Variants in FIG4 observed in about 807,000 individuals in gnomAD.
The protein encoded by FIG4 is polyphosphoinositide phosphatase.
In FIG4, 112 loss-of-function variants were observed where a neutral mutation model predicts 118.6. The observed-to-expected ratio is 0.94, with a 90% CI of 0.81 to 1.11. The LOEUF is 1.11. FIG4 is among the 50% of genes least tolerant of loss of function. The pLI is 0.00. For synonymous variants in FIG4, 369 were observed against 381.2 expected (o/e 0.97, Z 0.37); for missense variants, 969 against 1,111.7 (o/e 0.87, Z 1.83).
intron 22 of FIG4, among the ~76,000 whole-genome samples, chr6:109,815,307 G>A (rs889651849): frequency 6.6e-6 from 1 of 151,792 alleles, no homozygotes; most frequent in Non-Finnish European, 1.5e-5. Context: ...CTCTCCTTGG[G>A]CTCCAGGCCA....
intron 4 of FIG4, among the ~76,000 whole-genome samples, chr6:109,730,584 A>G (rs1043725812): frequency 6.6e-6 from 1 of 152,172 alleles, no homozygotes; most frequent in Non-Finnish European, 1.5e-5. Context: ...GGAGGAATTG[A>G]TGGGGGTCAA....
chr6:109,727,841 G>T (rs1193429146), intron 4 of FIG4, among the ~76,000 whole-genome samples: 1 of 151,992 alleles, frequency 6.6e-6, no homozygotes, highest in Non-Finnish European at 1.5e-5. Context: ...CATACCACTG[G>T]ACTTCCTGCA....
chr6:109,787,980 T>C (rs757503562), intron 18 of FIG4, among the ~76,000 whole-genome samples: 6 of 152,198 alleles, frequency 3.9e-5, no homozygotes, highest in Non-Finnish European at 5.9e-5. Flanking sequence ...ATGCATTAGC[T>C]AGAAACTGTT....
rs1778083736 is a variant in FIG4 at position 109,789,668 on chromosome 6, C to G, written c.2171C>G (p.Ser724Ter). ...CGTAAACCAGATGAAACTGGAAAAT[C>G]AGTATTGGGGTAAGATTTGTGTATA... ...TVRKPDETGK[S>*]VLGNKSNREE... Residue 724 changes from serine (S) to a stop codon, truncating the protein, a stop_gained, in exon 19 of 23, where the codon TCA becomes TGA. Coordinates refer to ENST00000230124, the MANE Select transcript of FIG4 (RefSeq NM_014845.6). LOFTEE classifies it high-confidence loss of function. 5.0e-6 allele frequency: 8 copies of G among 1,609,368 alleles called. No individual in the cohort carries two copies. In the East Asian group the frequency reaches 1.8e-4, roughly 36 times the overall value.
At chr6:109,731,876 T>C (rs991128938) in intron 4 of FIG4, among the ~76,000 whole-genome samples, 1 of 152,086 alleles carries the variant, frequency 6.6e-6, no homozygotes, top group Non-Finnish European at 1.5e-5. Context: ...ATCTATAACT[T>C]TCAACGTAAC....
At chr6:109,750,807 C>T (rs1278177535) in intron 10 of FIG4, among the ~76,000 whole-genome samples, 1 of 152,096 alleles carries the variant, frequency 6.6e-6, no homozygotes, top group African/African-American at 2.4e-5. Flanking sequence ...ACGAAGGTTG[C>T]TCAAACAACA....
At chr6:109,734,749 T>C (rs1402923043) in intron 5 of FIG4, among the ~76,000 whole-genome samples, 3 of 152,134 alleles carry the variant, frequency 2.0e-5, no homozygotes, top group East Asian at 1.9e-4. Flanking sequence ...CTGGGTAAAC[T>C]AGGGTACAGA....
chr6:109,813,538 T>C (rs550446311), intron 22 of FIG4, among the ~76,000 whole-genome samples: 7 of 152,336 alleles, frequency 4.6e-5, no homozygotes, highest in African/African-American at 1.4e-4. Flanking sequence ...CGTTGAAGAA[T>C]GCAGGCCAGT....
At chr6:109,753,469 A>G (rs988922682) in intron 10 of FIG4, among the ~76,000 whole-genome samples, 1 of 150,724 alleles carries the variant, frequency 6.6e-6, no homozygotes, top group African/African-American at 2.5e-5. Flanking sequence ...GTTTTTTCCA[A>G]TTCTGTGAAG....
chr6:109,816,617 G>C (rs551854598), intron 22 of FIG4, among the ~76,000 whole-genome samples: 246 of 152,312 alleles, frequency 1.6e-3, no homozygotes, highest in Non-Finnish European at 3.0e-3. Context: ...TGCTGTGTGG[G>C]ATACCCAGTC....
intron 1 of FIG4, among the ~76,000 whole-genome samples, chr6:109,709,900 T>G (rs973526137): frequency 2.0e-5 from 3 of 152,288 alleles, no homozygotes; most frequent in Middle Eastern, 6.8e-3. Flanking sequence ...TCATATTATC[T>G]GCAAAAAGGG....
At chr6:109,701,364 G>A (rs183241773) in intron 1 of FIG4, among the ~76,000 whole-genome samples, 1 of 152,332 alleles carries the variant, frequency 6.6e-6, no homozygotes, top group African/African-American at 2.4e-5. Flanking sequence ...GTTTCCAGCA[G>A]AGATTCAGCA....
chr6:109,731,729 T>C (rs1363553965), intron 4 of FIG4, among the ~76,000 whole-genome samples: 1 of 152,198 alleles, frequency 6.6e-6, no homozygotes, highest in Non-Finnish European at 1.5e-5. Flanking sequence ...GCAAATACTA[T>C]GCCATTTTAT....
chr6:109,785,569 G>T, intron 17 of FIG4: 1 of 441,376 alleles, frequency 2.3e-6, no homozygotes. Context: ...TTAGAATGAT[G>T]TTTCCAAATT....
intron 18 of FIG4, 70 bp downstream of exon 18, chr6:109,786,519 C>T: frequency 2.6e-6 from 4 of 1,547,540 alleles, no homozygotes; most frequent in Non-Finnish European, 3.6e-6. Flanking sequence ...ATATATATGT[C>T]TGTCTTTACC....
At chr6:109,707,709 CTTGT>C (rs1775131478) in intron 1 of FIG4, among the ~76,000 whole-genome samples, 2 of 151,620 alleles carry the variant, frequency 1.3e-5, no homozygotes, top group East Asian at 1.9e-4. Flanking sequence ...TATCGAAAGA[CTTGT>C]TTGTTATTTA....
Position 109,797,451 on chromosome 6 carries a change from C to T in FIG4, c.2546+600C>T, listed in dbSNP as rs9487219. Among the ~76,000 whole-genome samples, 9 of 152,292 alleles carry T rather than the reference C, an allele frequency of 5.9e-5. No homozygotes were observed. The East Asian group carries it at 7.7e-4, about 13-fold the overall frequency. On this transcript the variant is annotated intron_variant, in intron 22 of 22. Coordinates refer to ENST00000230124, the MANE Select transcript of FIG4 (RefSeq NM_014845.6). The stretch of plus-strand genomic sequence containing the variant: ...GTACACAAAGTGCTTAGAGTAGTGT[C>T]TAGAATACGTTCTGAAATAGTTGTG...
intron 10 of FIG4, among the ~76,000 whole-genome samples, chr6:109,751,869 G>A (rs1776714058): frequency 6.9e-6 from 1 of 145,916 alleles, no homozygotes; most frequent in South Asian, 2.2e-4. Context: ...TTAAGTTTTA[G>A]GGTACGTGTG....
intron 10 of FIG4, among the ~76,000 whole-genome samples, chr6:109,759,328 G>A (rs1390317514): frequency 1.3e-5 from 2 of 152,036 alleles, no homozygotes; most frequent in African/African-American, 4.8e-5. Context: ...ATATTGGGCT[G>A]ATGGATGCAG....
Sources: allele counts gnomAD v4.1 joint callset (sites outside exome capture counted in the v4.1 genomes callset), GRCh38; gene constraint gnomAD v4.1.1; transcripts MANE v1.5; gene names NCBI Gene and HGNC (gene_info 2026-07-23, HGNC 2026-07-21).